The following PDE4D variants were observed in gnomAD, a reference collection of about 807,000 sequenced individuals.
PDE4D encodes phosphodiesterase 4D.
PDE4D carries 24 observed loss-of-function variants against 87.4 expected under a neutral mutation model. The ratio of observed to expected loss-of-function variants is 0.27; its 90% confidence interval spans 0.20 to 0.39. The LOEUF (loss-of-function observed/expected upper bound fraction) is 0.39. PDE4D is among the 10% of genes least tolerant of loss of function. The pLI is 1.00. For synonymous variants in PDE4D, 384 were observed against 383.2 expected (o/e 1.00, Z -0.02); for missense variants, 714 against 1,041.0 (o/e 0.69, Z 4.32).
intron 1 of PDE4D, among the ~76,000 whole-genome samples, chr5:59,615,288 C>T (rs545203328): frequency 1.4e-4 from 22 of 152,182 alleles, no homozygotes; most frequent in Non-Finnish European, 2.8e-4. Context: ...CAAAATTGAA[C>T]CCTGGTATGT....
At chr5:59,273,281 G>A (rs1351199307) in intron 1 of PDE4D, among the ~76,000 whole-genome samples, 1 of 152,048 alleles carries the variant, frequency 6.6e-6, no homozygotes, top group African/African-American at 2.4e-5. Context: ...ATGTGCAGAG[G>A]CACAAGAAGA....
chr5:60,110,735 AGATAT>A (rs1582711848), intron 2 of PDE4D, among the ~76,000 whole-genome samples: 1 of 152,290 alleles, frequency 6.6e-6, no homozygotes, highest in South Asian at 2.1e-4. Context: ...ATAACAGCTA[AGATAT>A]GGAATCAACC....
intron 1 of PDE4D, among the ~76,000 whole-genome samples, chr5:59,650,281 T>C (rs1743235881): frequency 6.6e-6 from 1 of 152,144 alleles, no homozygotes; most frequent in Non-Finnish European, 1.5e-5. Context: ...ATCTAATGTT[T>C]ATGGTAGTCA....
At chr5:60,307,443 A>G (rs561105284) in intron 1 of PDE4D, among the ~76,000 whole-genome samples, 1 of 152,310 alleles carries the variant, frequency 6.6e-6, no homozygotes, top group Admixed American at 6.5e-5. Flanking sequence ...CTCACTGAAG[A>G]AGCTATAGAC....
In PDE4D at chr5:59,651,924, A is replaced by G. The variant is rs115808063; in HGVS notation, c.455+241244T>C. ...GTGCTCTCAGCTGTCAGCCCTCTGT[A>G]AATTGCCTTAGCTAAAGAGCACCAT... On this transcript the variant is annotated intron_variant, in intron 1 of 14. Transcript: ENST00000340635. Among the ~76,000 whole-genome samples, 936 of 152,294 alleles carry G rather than the reference A, an allele frequency of 6.1e-3. 15 individuals carry two copies. Among genetic ancestry groups the G allele is most frequent in the African/African-American group, 0.021 (889 of 41,566 alleles).
At chr5:59,511,997 C>A (rs1244725392) in intron 1 of PDE4D, among the ~76,000 whole-genome samples, 2 of 152,002 alleles carry the variant, frequency 1.3e-5, no homozygotes, top group Admixed American at 1.3e-4. Context: ...CAAAGTTTGG[C>A]GCTCCAGAAC....
chr5:59,080,154 T>A (rs929504627), intron 5 of PDE4D, among the ~76,000 whole-genome samples: 7 of 152,180 alleles, frequency 4.6e-5, no homozygotes, highest in African/African-American at 1.7e-4. Flanking sequence ...TAATTGCTAA[T>A]GCTTTACTCT....
chr5:60,343,937 C>A (rs1447815790), intron 1 of PDE4D, among the ~76,000 whole-genome samples: 1 of 151,116 alleles, frequency 6.6e-6, no homozygotes, highest in Non-Finnish European at 1.5e-5. Flanking sequence ...CAATTAAATT[C>A]TCTCTGGTTC....
At chr5:59,134,688 C>G (rs929033618) in intron 5 of PDE4D, among the ~76,000 whole-genome samples, 1 of 152,102 alleles carries the variant, frequency 6.6e-6, no homozygotes, top group Non-Finnish European at 1.5e-5. Context: ...CATAATTATC[C>G]AAAATTGCAG....
intron 2 of PDE4D, among the ~76,000 whole-genome samples, chr5:60,161,754 G>A (rs1045754915): frequency 4.6e-5 from 7 of 152,024 alleles, no homozygotes; most frequent in African/African-American, 1.7e-4. Context: ...ACATTTTGTC[G>A]TTACAGATGA....
At chr5:59,065,107 CACACACACACACACACATAT>C (rs1171741579) in intron 5 of PDE4D, among the ~76,000 whole-genome samples, 3 of 116,904 alleles carry the variant, frequency 2.6e-5, no homozygotes, top group Admixed American at 9.9e-5. Flanking sequence ...CACACACACA[CACACACACACACACACATAT>C]ACAATGAAAT....
chr5:59,161,702 C>T (rs1404722664), intron 5 of PDE4D, among the ~76,000 whole-genome samples: 1 of 152,160 alleles, frequency 6.6e-6, no homozygotes, highest in Non-Finnish European at 1.5e-5. Flanking sequence ...TGCAGGCGTG[C>T]TTCAAATTTT....
intron 1 of PDE4D, among the ~76,000 whole-genome samples, chr5:59,437,504 A>G (rs1796950349): frequency 6.6e-6 from 1 of 152,192 alleles, no homozygotes; most frequent in South Asian, 2.1e-4. Flanking sequence ...ATAAAAAATA[A>G]TCATGCTGCA....
intron 1 of PDE4D, among the ~76,000 whole-genome samples, chr5:60,242,461 T>C (rs1057359986): frequency 6.6e-6 from 1 of 152,128 alleles, no homozygotes; most frequent in South Asian, 2.1e-4. Context: ...ATATGCACTA[T>C]AGACCAAATG....
chr5:58,987,166 G>A (rs1194480641), intron 11 of PDE4D, among the ~76,000 whole-genome samples: 2 of 151,932 alleles, frequency 1.3e-5, no homozygotes, highest in Non-Finnish European at 2.9e-5. Context: ...CCTCCCCACT[G>A]ATACCTCCCC....
chr5:59,760,697 C>T (rs1761862239), intron 1 of PDE4D, among the ~76,000 whole-genome samples: 1 of 152,024 alleles, frequency 6.6e-6, no homozygotes, highest in African/African-American at 2.4e-5. Flanking sequence ...AAATAACAAA[C>T]CTGATGCATC....
chr5:59,545,171 G>T (rs1252300152), intron 1 of PDE4D, among the ~76,000 whole-genome samples: 1 of 152,072 alleles, frequency 6.6e-6, no homozygotes, highest in African/African-American at 2.4e-5. Flanking sequence ...CCTTAAAATT[G>T]TAACTTCTTT....
At chr5:59,379,144 A>C (rs1785283685) in intron 1 of PDE4D, among the ~76,000 whole-genome samples, 1 of 152,130 alleles carries the variant, frequency 6.6e-6, no homozygotes, top group Non-Finnish European at 1.5e-5. Flanking sequence ...ACAACACCCA[A>C]ACCTGAGACA....
intron 1 of PDE4D, among the ~76,000 whole-genome samples, chr5:60,255,879 TG>T (rs1440003495): frequency 6.6e-6 from 1 of 151,906 alleles, no homozygotes; most frequent in Non-Finnish European, 1.5e-5. Context: ...AATGTAACAC[TG>T]GCAAATGATT....
Sources: gnomAD v4.1 joint callset for allele counts (sites outside exome capture counted in the v4.1 genomes callset) on GRCh38, gnomAD v4.1.1 for gene constraint, MANE v1.5 for transcripts, NCBI Gene and HGNC (gene_info 2026-07-23, HGNC 2026-07-21) for gene names.